Variants in CSMD1 observed in about 807,000 individuals in gnomAD.
CSMD1 encodes CUB and sushi domain-containing protein 1.
Under a neutral mutation model 417.5 loss-of-function variants are expected in CSMD1, and 213 were observed. That is an observed-to-expected ratio of 0.51 (90% CI 0.46 to 0.57). The LOEUF (loss-of-function observed/expected upper bound fraction) is 0.57. CSMD1 is among the 20% of genes least tolerant of loss of function. CSMD1 has a pLI of 0.00. For missense variants in CSMD1, 6,923 were observed against 4,529.7 expected, an observed-to-expected ratio of 1.53 and a Z score of -15.17; for synonymous variants, 2,862 against 1,736.8, an observed-to-expected ratio of 1.65 and a Z score of -16.11.
chr8:2,998,166 G>A lies in CSMD1; in HGVS notation c.8222C>T (p.Pro2741Leu), dbSNP rs1393253861. The change falls in exon 54 of 70, where the codon CCT becomes CTT. Residue 2741 changes from proline (P) to leucine (L), a missense_variant. Coordinates refer to ENST00000635120, the MANE Select transcript of CSMD1 (RefSeq NM_033225.6). Reference sequence around the variant, plus strand: ...AGTGAATCCGTGGGCAGGGTTTCCAGGGTGACCACATGTGATGGCTGTAGA... The same window carrying A: ...AGTGAATCCGTGGGCAGGGTTTCCAAGGTGACCACATGTGATGGCTGTAGA... ...PVCVPITCGH[P>L]GNPAHGFTNG... 3 of 1,613,958 alleles carry A rather than the reference G, an allele frequency of 1.9e-6. No individual in the cohort carries two copies. The South Asian group carries it at 3.3e-5, about 18-fold the overall frequency.
chr8:4,269,085 C>G (rs955256157), intron 3 of CSMD1, among the ~76,000 whole-genome samples: 3 of 152,286 alleles, frequency 2.0e-5, no homozygotes, highest in South Asian at 4.1e-4. Flanking sequence ...GAGACGGAGT[C>G]TCACTTTGTC....
chr8:4,750,521 ATT>A (rs1413579012), intron 1 of CSMD1, among the ~76,000 whole-genome samples: 1 of 152,040 alleles, frequency 6.6e-6, no homozygotes, highest in Non-Finnish European at 1.5e-5. Context: ...TAATGTTAAG[ATT>A]TTCCTATATT....
intron 5 of CSMD1, among the ~76,000 whole-genome samples, chr8:3,933,235 A>G (rs1388604303): frequency 1.3e-5 from 2 of 152,196 alleles, no homozygotes; most frequent in East Asian, 3.8e-4. Flanking sequence ...AGGAGAAGAA[A>G]CAAGATTTAG....
At position 4,452,189 on chromosome 8, in the gene CSMD1, C is replaced by T. The variant is rs573700846; in HGVS notation, c.303-32124G>A. ...GCCTCTTCCTTCTCTTCGCTTAGTG[C>T]ACGTTTCTGCTTTTTATCAGTTTGA... is the stretch of plus-strand genomic sequence containing the variant. On this transcript the variant is annotated intron_variant, in intron 2 of 69. Coordinates refer to ENST00000635120, the MANE Select transcript of CSMD1 (RefSeq NM_033225.6). Among the ~76,000 whole-genome samples, 173 of 152,138 alleles carry T rather than the reference C, an allele frequency of 1.1e-3. 1 individual carries two copies. Among genetic ancestry groups the T allele is most frequent in the African/African-American group, 4.0e-3 (168 of 41,504 alleles).
chr8:4,113,463 G>A (rs560986810), intron 3 of CSMD1, among the ~76,000 whole-genome samples: 2 of 139,560 alleles, frequency 1.4e-5, no homozygotes, highest in East Asian at 2.2e-4. Flanking sequence ...GGACTGCAAT[G>A]GTGCAATCTT....
intron 1 of CSMD1, among the ~76,000 whole-genome samples, chr8:4,746,257 G>C (rs1009703327): frequency 6.6e-6 from 1 of 152,116 alleles, no homozygotes. Flanking sequence ...AGCCAGACTA[G>C]ATCTTCTTCT....
chr8:3,369,249 C>G lies in CSMD1; in HGVS notation c.2899+5G>C. 1 of 1,417,598 alleles carries G rather than the reference C, an allele frequency of 7.1e-7. No homozygotes were observed. The highest frequency in any genetic ancestry group is 1.0e-6 in the Non-Finnish European group (1 of 1,004,018). The allele number at this position is 1,417,598 out of a possible 1,614,324, so 87.8% of individuals were successfully genotyped here. A position where few individuals can be genotyped will look rare whatever the true frequency, so the allele number is the denominator to read the frequency against. On this transcript the variant is annotated splice_donor_5th_base_variant and intron_variant, in intron 19 of 69. Coordinates refer to ENST00000635120, the MANE Select transcript of CSMD1 (RefSeq NM_033225.6). ...GTATGTTTGAGACCTATGATAGATT[C>G]TTACCTTTCCCATGAGACACTTCAA...
chr8:4,936,337 C>T (rs964581951), intron 1 of CSMD1, among the ~76,000 whole-genome samples: 4 of 152,064 alleles, frequency 2.6e-5, no homozygotes, highest in African/African-American at 9.7e-5. Flanking sequence ...CAGGAAAAAA[C>T]TGAAATAGTA....
chr8:3,647,342 G>GCGGAGAGAGGTAAATATGT (rs1797625980), intron 7 of CSMD1, among the ~76,000 whole-genome samples: 1 of 151,786 alleles, frequency 6.6e-6, no homozygotes, highest in East Asian at 1.9e-4. Context: ...GGTAAATATG[G>GCGGAGAGAGGTAAATATGT]CAGAGAGAGA....
intron 7 of CSMD1, among the ~76,000 whole-genome samples, chr8:3,626,646 A>T (rs1482659118): frequency 6.6e-6 from 1 of 151,600 alleles, no homozygotes; most frequent in East Asian, 1.9e-4. Context: ...CTTTTTGATT[A>T]TAGTTCATTA....
Position 3,616,792 on chromosome 8 carries a change from G to C in CSMD1, c.1015C>G (p.Gln339Glu), listed in dbSNP as rs1005559859. The C allele has an allele frequency of 1.2e-6, 2 of 1,608,460 alleles. No homozygotes were observed. The highest frequency in any genetic ancestry group is 1.7e-6 in the Non-Finnish European group (2 of 1,176,448). ...TCAGAGACCAATGCAACACCTCCTT[G>C]GCTCACTGTAATAGACAGAAACATT... ...DGSHKNSVLS[Q>E]GGVALVSDMC... Residue 339 changes from glutamine (Q) to glutamate (E), a missense_variant, in exon 8 of 70, where the codon CAA (glutamine) becomes GAA (glutamate). Transcript: ENST00000635120.
At chr8:3,889,420 G>A (rs2627345) in intron 5 of CSMD1, among the ~76,000 whole-genome samples, 4,039 of 127,046 alleles carry the variant, frequency 0.032, 235 homozygotes, top group African/African-American at 0.11. Flanking sequence ...CTTCCACATT[G>A]TAGTCATTAG....
intron 49 of CSMD1, among the ~76,000 whole-genome samples, chr8:3,070,889 C>T (rs904510971): frequency 5.3e-5 from 8 of 152,288 alleles, no homozygotes; most frequent in Admixed American, 2.6e-4. Flanking sequence ...ATACCTGAGA[C>T]TGGGTAATTT....
At chr8:3,385,950 T>C (rs1043302312) in intron 18 of CSMD1, among the ~76,000 whole-genome samples, 1 of 152,116 alleles carries the variant, frequency 6.6e-6, no homozygotes, top group Non-Finnish European at 1.5e-5. Context: ...CCATCTGTGA[T>C]TGTCGTGAAA....
intron 57 of CSMD1, among the ~76,000 whole-genome samples, chr8:2,968,530 G>C (rs1238794696): frequency 6.6e-6 from 1 of 152,182 alleles, no homozygotes; most frequent in Non-Finnish European, 1.5e-5. Flanking sequence ...CTAATATTGG[G>C]AATGTCCCCT....
In CSMD1 at chr8:3,022,885, T is replaced by C. The variant is rs535361443; in HGVS notation, c.7856-4235A>G. 2.0e-5 allele frequency among the ~76,000 whole-genome samples: 3 copies of C among 152,302 alleles called. No homozygotes were observed. The East Asian group carries it at 5.8e-4, about 29-fold the overall frequency. ...TAGGCCTAGAGAGATAGAGCTACCA[T>C]CAATCACTGGATATAAGTCACATAG... is the stretch of plus-strand genomic sequence containing the variant. On this transcript the variant is annotated intron_variant, in intron 51 of 69. Transcript: ENST00000635120.
intron 7 of CSMD1, among the ~76,000 whole-genome samples, chr8:3,643,572 G>C (rs776122458): frequency 6.6e-6 from 1 of 151,874 alleles, no homozygotes; most frequent in Non-Finnish European, 1.5e-5. Context: ...GTGGTGGCGG[G>C]CGCCTGTAGT....
chr8:4,312,116 C>T (rs1484844844), intron 3 of CSMD1, among the ~76,000 whole-genome samples: 1 of 151,894 alleles, frequency 6.6e-6, no homozygotes, highest in Admixed American at 6.6e-5. Flanking sequence ...TATCAATACC[C>T]CCCTTTTAAA....
intron 7 of CSMD1, among the ~76,000 whole-genome samples, chr8:3,695,700 A>C (rs1344631606): frequency 6.6e-6 from 1 of 152,218 alleles, no homozygotes; most frequent in Admixed American, 6.5e-5. Context: ...TGTATTTAAA[A>C]GTTACTAAAA....
Sources: allele counts gnomAD v4.1 joint callset (sites outside exome capture counted in the v4.1 genomes callset), GRCh38; gene constraint gnomAD v4.1.1; transcripts MANE v1.5; gene names NCBI Gene and HGNC (gene_info 2026-07-23, HGNC 2026-07-21).